Variants in IPO11 observed in about 807,000 individuals in gnomAD.
The protein encoded by IPO11 is importin-11.
IPO11 carries 66 observed loss-of-function variants against 143.2 expected under a neutral mutation model. That is an observed-to-expected ratio of 0.46 (90% CI 0.38 to 0.57). The LOEUF (loss-of-function observed/expected upper bound fraction) is 0.57. Ranked by LOEUF, IPO11 falls within the 20% of genes least tolerant of loss-of-function variation. The pLI, the probability that IPO11 is intolerant of heterozygous loss-of-function variation, is 0.00. For synonymous variants in IPO11, 385 were observed against 377.8 expected, an observed-to-expected ratio of 1.02 and a Z score of -0.22; for missense variants, 1,026 against 1,141.0, an observed-to-expected ratio of 0.90 and a Z score of 1.45.
chr5:62,522,253 TGTG>T (rs1027886104), intron 20 of IPO11, among the ~76,000 whole-genome samples: 3 of 151,302 alleles, frequency 2.0e-5, no homozygotes, highest in Non-Finnish European at 4.4e-5. Flanking sequence ...GGATTGTGTG[TGTG>T]GTGTGGTGGG....
At chr5:62,598,823 G>T (rs1484423288) in intron 28 of IPO11, among the ~76,000 whole-genome samples, 3 of 151,714 alleles carry the variant, frequency 2.0e-5, no homozygotes, top group East Asian at 3.9e-4. Context: ...GGGATTACAG[G>T]TGTGACCCAC....
chr5:62,598,120 AT>A (rs980980752), intron 28 of IPO11, among the ~76,000 whole-genome samples: 3 of 152,150 alleles, frequency 2.0e-5, no homozygotes, highest in African/African-American at 7.2e-5. Context: ...CTTATGTCTA[AT>A]TGGCCAGAAT....
chr5:62,531,378 G>A (rs905270068), intron 22 of IPO11, among the ~76,000 whole-genome samples: 1 of 152,056 alleles, frequency 6.6e-6, no homozygotes, highest in Admixed American at 6.6e-5. Context: ...CTCTTGTTGC[G>A]TGGGCTGGAG....
Position 62,470,285 on chromosome 5 carries a change from C to G in IPO11, c.685C>G (p.Pro229Ala), listed in dbSNP as rs1336545451. ...RKLTVNGFVEPHKNMEVMGFL... is the reference protein window; with the variant it reads ...RKLTVNGFVEAHKNMEVMGFL... Reference sequence around the variant, plus strand: ...GTTAACTGTTAATGGATTTGTGGAACCTCATAAGAATATGGAGGTGATGGT... The same window carrying G: ...GTTAACTGTTAATGGATTTGTGGAAGCTCATAAGAATATGGAGGTGATGGT... The change falls in exon 7 of 30, where the codon CCT (proline) becomes GCT (alanine). Residue 229 changes from proline to alanine, a missense_variant. Around this residue, in one of 5 missense-constraint regions of IPO11, gnomAD observed 429 missense variants for 456.3 expected, o/e 0.94. Coordinates refer to ENST00000325324, the MANE Select transcript of IPO11 (RefSeq NM_016338.5). 2 of 1,613,628 alleles carry G rather than the reference C, an allele frequency of 1.2e-6. No individual in the cohort carries two copies. Among genetic ancestry groups the G allele is most frequent in the Admixed American group, 3.3e-5 (2 of 59,984 alleles).
Position 62,467,163 on chromosome 5 carries a change from T to C in IPO11, c.549T>C (p.Ser183=). 6.2e-7 allele frequency: 1 copy of C among 1,611,078 alleles called. No individual in the cohort carries two copies. The highest frequency in any genetic ancestry group is 8.5e-7 in the Non-Finnish European group (1 of 1,179,356). The part of the protein sequence containing the change: ...LASGIYNFAC[S]LWNHHTDTFL... ...CTGGAATTTATAATTTTGCCTGCTC[T>C]CTGTGGAATCACCACACAGACACAT... Residue 183 remains serine, a synonymous_variant, in exon 6 of 30, where the codon TCT becomes TCC. Coordinates refer to ENST00000325324, the MANE Select transcript of IPO11 (RefSeq NM_016338.5).
chr5:62,566,552 G>C (rs1035913299), intron 27 of IPO11, among the ~76,000 whole-genome samples: 5 of 151,978 alleles, frequency 3.3e-5, no homozygotes, highest in Non-Finnish European at 7.4e-5. Flanking sequence ...GGGCAACACG[G>C]CAAAACCCCA....
At chr5:62,620,706 G>A (rs1427658826) in intron 29 of IPO11, among the ~76,000 whole-genome samples, 1 of 152,120 alleles carries the variant, frequency 6.6e-6, no homozygotes, top group Admixed American at 6.5e-5. Context: ...TCATGCAGAT[G>A]AAGCCTCCAG....
At chr5:62,419,105 C>T (rs1376814391) in intron 1 of IPO11, 1 of 1,550,342 alleles carries the variant, frequency 6.5e-7, no homozygotes, top group South Asian at 1.2e-5. Context: ...GCACTGAATA[C>T]TGTAAGCAGT....
intron 27 of IPO11, among the ~76,000 whole-genome samples, chr5:62,585,754 A>C (rs1305912103): frequency 6.6e-6 from 1 of 152,192 alleles, no homozygotes; most frequent in East Asian, 1.9e-4. Flanking sequence ...GTTTAAACTC[A>C]AGACAAAATT....
intron 20 of IPO11, among the ~76,000 whole-genome samples, chr5:62,525,314 ATTTG>A (rs887399532): frequency 5.9e-5 from 9 of 151,390 alleles, no homozygotes; most frequent in Admixed American, 5.3e-4. Flanking sequence ...TTTAAAAAGA[ATTTG>A]TTTGAAAATT....
intron 5 of IPO11, among the ~76,000 whole-genome samples, chr5:62,458,245 A>G (rs1468232144): frequency 6.6e-6 from 1 of 151,492 alleles, no homozygotes; most frequent in Admixed American, 6.6e-5. Flanking sequence ...TTTTAATTGT[A>G]CATTAAATGC....
chr5:62,485,498 AG>A, intron 12 of IPO11, 36 bp downstream of exon 12: 1 of 1,487,532 alleles, frequency 6.7e-7, no homozygotes, highest in East Asian at 2.3e-5. Flanking sequence ...GATAGGGGAA[AG>A]CTTAATCTTT....
In IPO11 at chr5:62,508,138, CTT is replaced by C. The variant is rs537335193; in HGVS notation, c.1782+1786_1782+1787del. Reference sequence around the variant, plus strand: ...TTTAAAAAATGTTAACAAATTTTATCTTTTTTGAGATGAAGTCTTGCTCTCCC... The same window carrying C: ...TTTAAAAAATGTTAACAAATTTTATCTTTTGAGATGAAGTCTTGCTCTCCC... On this transcript the variant is annotated intron_variant, in intron 19 of 29. Transcript: ENST00000325324. Among the ~76,000 whole-genome samples, 368 of 151,890 alleles carry C rather than the reference CTT, an allele frequency of 2.4e-3. 1 individual carries two copies. Among genetic ancestry groups the C allele is most frequent in the African/African-American group, 8.3e-3 (343 of 41,436 alleles).
chr5:62,442,401 C>T (rs1744516689), intron 2 of IPO11, among the ~76,000 whole-genome samples: 1 of 152,086 alleles, frequency 6.6e-6, no homozygotes, highest in Admixed American at 6.5e-5. Flanking sequence ...TCAAACACAC[C>T]TTAAAGCAGA....
intron 1 of IPO11, chr5:62,418,998 A>G: frequency 3.2e-6 from 5 of 1,549,044 alleles, no homozygotes; most frequent in Non-Finnish European, 4.4e-6. Context: ...TATGAACATC[A>G]TATGAACAAA....
chr5:62,457,945 G>A (rs1039784651), intron 5 of IPO11, among the ~76,000 whole-genome samples: 7 of 151,982 alleles, frequency 4.6e-5, no homozygotes, highest in African/African-American at 1.2e-4. Flanking sequence ...TCAGGAGATC[G>A]AGACCATCCT....
At chr5:62,580,725 G>T in intron 27 of IPO11, 1 of 1,551,344 alleles carries the variant, frequency 6.4e-7, no homozygotes, top group Non-Finnish European at 8.7e-7. Context: ...AGACTACTGC[G>T]CTAATGATGG....
At chr5:62,466,732 T>C (rs987210317) in intron 5 of IPO11, among the ~76,000 whole-genome samples, 1 of 152,242 alleles carries the variant, frequency 6.6e-6, no homozygotes, top group African/African-American at 2.4e-5. Context: ...CTTTCTCCTT[T>C]GTATATCTTC....
At chr5:62,558,105 A>C (rs1743638690) in intron 26 of IPO11, among the ~76,000 whole-genome samples, 1 of 152,242 alleles carries the variant, frequency 6.6e-6, no homozygotes, top group Non-Finnish European at 1.5e-5. Context: ...GATAGATGTC[A>C]GTGTGGTCAT....
Sources: allele counts gnomAD v4.1 joint callset (sites outside exome capture counted in the v4.1 genomes callset), GRCh38; gene constraint gnomAD v4.1.1; regional missense constraint gnomAD v4.1.1; transcripts MANE v1.5; gene names NCBI Gene and HGNC (gene_info 2026-07-23, HGNC 2026-07-21).